ACACA: variants seen among roughly 807,000 people sequenced by gnomAD.
The protein encoded by ACACA is acetyl-CoA carboxylase 1.
In ACACA, 103 loss-of-function variants were observed where a neutral mutation model predicts 296.1. That is an observed-to-expected ratio of 0.35 (90% CI 0.30 to 0.41). ACACA has a LOEUF of 0.41. ACACA is among the 10% of genes least tolerant of loss of function. The pLI, the probability that ACACA is intolerant of heterozygous loss-of-function variation, is 1.00. For missense variants in ACACA, 1,554 were observed against 2,989.7 expected (o/e 0.52, Z 11.20); for synonymous variants, 953 against 1,038.6 (o/e 0.92, Z 1.58).
chr17:37,360,871 G>A (rs1568053454), intron 1 of ACACA, among the ~76,000 whole-genome samples: 3 of 151,968 alleles, frequency 2.0e-5, no homozygotes, highest in South Asian at 4.2e-4. Flanking sequence ...TTGACTCACC[G>A]AAAAAAATGG....
chr17:37,260,543 A>T (rs2081468053), intron 11 of ACACA, among the ~76,000 whole-genome samples: 1 of 151,292 alleles, frequency 6.6e-6, no homozygotes, highest in East Asian at 2.0e-4. Context: ...ATCTCAGGTG[A>T]TCCGCCCACC....
intron 3 of ACACA, among the ~76,000 whole-genome samples, chr17:37,310,746 A>T (rs1331523266): frequency 6.9e-6 from 1 of 144,176 alleles, no homozygotes; most frequent in East Asian, 2.3e-4. Context: ...GAGAGCCAAG[A>T]TTGCAACATT....
intron 16 of ACACA, among the ~76,000 whole-genome samples, chr17:37,250,935 G>A (rs2080961229): frequency 1.3e-5 from 2 of 152,074 alleles, no homozygotes; most frequent in South Asian, 2.1e-4. Flanking sequence ...GCTGAGGCAG[G>A]AGAATGGCGT....
chr17:37,289,933 G>C (rs1489266612), intron 3 of ACACA, among the ~76,000 whole-genome samples: 2 of 152,182 alleles, frequency 1.3e-5, no homozygotes, highest in African/African-American at 4.8e-5. Context: ...CTGATAAATA[G>C]TGTGTGTTCC....
At chr17:37,198,403 C>T (rs1359124919) in intron 35 of ACACA, among the ~76,000 whole-genome samples, 1 of 152,182 alleles carries the variant, frequency 6.6e-6, no homozygotes, top group African/African-American at 2.4e-5. Context: ...AGCACAGTAA[C>T]ATTTAAGAAC....
At chr17:37,164,079 C>A (rs1276672698) in intron 41 of ACACA, among the ~76,000 whole-genome samples, 3 of 135,918 alleles carry the variant, frequency 2.2e-5, no homozygotes, top group Non-Finnish European at 3.1e-5. Flanking sequence ...CTCTCACCCC[C>A]CTCCTTGCCC....
intron 1 of ACACA, among the ~76,000 whole-genome samples, chr17:37,351,519 A>G (rs2048902257): frequency 6.6e-6 from 1 of 152,218 alleles, no homozygotes; most frequent in African/African-American, 2.4e-5. Context: ...ATGTATTGCC[A>G]ACTGAAGATT....
At chr17:37,398,864 G>A (rs193118435) in intron 1 of ACACA, among the ~76,000 whole-genome samples, 37 of 140,528 alleles carry the variant, frequency 2.6e-4, no homozygotes, top group African/African-American at 9.0e-4. Context: ...GATTACAGGC[G>A]TGAGCTACTG....
rs2074022087 is a variant in ACACA at position 37,112,314 on chromosome 17, T to A, written c.6453-671A>T. On this transcript the variant is annotated intron_variant, in intron 51 of 55. Coordinates refer to ENST00000616317, the MANE Select transcript of ACACA (RefSeq NM_198834.3). The stretch of plus-strand genomic sequence containing the variant: ...TCTAGTTTAAAAAAATTATAGATAA[T>A]GTTTACTATGTACATGGCACTGTTC... Among the ~76,000 whole-genome samples the A allele has an allele frequency of 2.0e-5, 3 of 152,220 alleles. 1 individual carries two copies. In the South Asian group the frequency reaches 6.2e-4, roughly 31 times the overall value.
chr17:37,221,663 C>T, intron 29 of ACACA, 61 bp downstream of exon 29: 1 of 1,289,364 alleles, frequency 7.8e-7, no homozygotes. Context: ...ACACATTACT[C>T]CCCTTGATTC....
chr17:37,280,761 A>ACACACACACC (rs768423798), intron 5 of ACACA, among the ~76,000 whole-genome samples: 10 of 150,772 alleles, frequency 6.6e-5, no homozygotes, highest in African/African-American at 2.0e-4. Flanking sequence ...ACACACACAC[A>ACACACACACC]CCCCAAAAAA....
chr17:37,309,618 T>G lies in ACACA; in HGVS notation c.338+20555A>C, dbSNP rs138602091. Among the ~76,000 whole-genome samples, 509 of 152,170 alleles carry G rather than the reference T, an allele frequency of 3.3e-3. 3 individuals are homozygous for G. The highest frequency in any genetic ancestry group is 0.012 in the African/African-American group (485 of 41,524). On this transcript the variant is annotated intron_variant, in intron 3 of 55. Coordinates refer to ENST00000616317, the MANE Select transcript of ACACA (RefSeq NM_198834.3). ...AGTGAATTCTAGGCATAAGGACCAG[T>G]GCATGTGGCCTTGAGATAGGAAAAA...
At chr17:37,226,083 C>T (rs2079530707) in intron 26 of ACACA, among the ~76,000 whole-genome samples, 1 of 151,994 alleles carries the variant, frequency 6.6e-6, no homozygotes, top group South Asian at 2.1e-4. Context: ...CACAGGGCTA[C>T]TAGGGAGGGA....
intron 52 of ACACA, among the ~76,000 whole-genome samples, chr17:37,099,610 G>A (rs932828720): frequency 4.6e-5 from 7 of 150,622 alleles, no homozygotes; most frequent in Non-Finnish European, 1.0e-4. Flanking sequence ...ATGGCGGGAG[G>A]GCTGATGGCA....
At chr17:37,363,181 T>C (rs2049476178) in intron 1 of ACACA, among the ~76,000 whole-genome samples, 1 of 47,010 alleles carries the variant, frequency 2.1e-5, no homozygotes, top group South Asian at 8.3e-4. Context: ...CTCTTTTTCT[T>C]TTTTTTTTTT....
intron 1 of ACACA, among the ~76,000 whole-genome samples, chr17:37,389,548 C>CGG (rs1230671920): frequency 6.6e-6 from 1 of 151,798 alleles, no homozygotes; most frequent in Non-Finnish European, 1.5e-5. Context: ...AAAAATTAGC[C>CGG]AGGTGGCACA....
At chr17:37,162,215 T>C (rs940952026) in intron 41 of ACACA, among the ~76,000 whole-genome samples, 165 bp from the exon 42 acceptor site, 5 of 152,228 alleles carry the variant, frequency 3.3e-5, no homozygotes, top group African/African-American at 9.6e-5. Context: ...CATTCTAGTA[T>C]ACTGCTAGAT....
intron 14 of ACACA, among the ~76,000 whole-genome samples, chr17:37,253,845 T>C (rs929145797): frequency 6.6e-6 from 1 of 152,186 alleles, no homozygotes; most frequent in African/African-American, 2.4e-5. Context: ...AAGATTTCCA[T>C]ACAGTAAAGC....
rs1026348567 is a variant in ACACA at position 37,118,802 on chromosome 17, A to T, written c.6274+2553T>A. 5.9e-5 allele frequency among the ~76,000 whole-genome samples: 9 copies of T among 152,254 alleles called. 1 individual carries two copies. The highest frequency in any genetic ancestry group is 5.9e-4 in the Admixed American group (9 of 15,292). ...GTGCTTGTTGTGATGATTATGTAAG[A>T]TAATACATGTAAAATTGTTAGCACA... On this transcript the variant is annotated intron_variant, in intron 50 of 55. Coordinates refer to ENST00000616317, the MANE Select transcript of ACACA (RefSeq NM_198834.3).
Sources: gnomAD v4.1 joint callset for allele counts (sites outside exome capture counted in the v4.1 genomes callset) on GRCh38, gnomAD v4.1.1 for gene constraint, MANE v1.5 for transcripts, NCBI Gene and HGNC (gene_info 2026-07-23, HGNC 2026-07-21) for gene names.